Variants in PPP3R1 observed in about 807,000 individuals in gnomAD.
PPP3R1 encodes the protein calcineurin subunit B type 1.
PPP3R1 carries 5 observed loss-of-function variants against 22.6 expected under a neutral mutation model. That is an observed-to-expected ratio of 0.22 (90% CI 0.12 to 0.46). PPP3R1 has a LOEUF of 0.46. Among genes scored for constraint, PPP3R1 ranks in the 20% least tolerant of loss-of-function variants. The pLI is 0.99. For missense variants in PPP3R1, 61 were observed against 203.2 expected (o/e 0.30, Z 4.25); for synonymous variants, 56 against 65.2 (o/e 0.86, Z 0.68).
intron 5 of PPP3R1, among the ~76,000 whole-genome samples, chr2:68,182,362 G>A (rs556099783): frequency 3.3e-5 from 5 of 152,124 alleles, no homozygotes; most frequent in African/African-American, 9.7e-5. Flanking sequence ...CTTTTATGCA[G>A]TGGCAATAAT....
At chr2:68,193,139 AG>A (rs1330870297) in intron 2 of PPP3R1, among the ~76,000 whole-genome samples, 1 of 152,174 alleles carries the variant, frequency 6.6e-6, no homozygotes, top group African/African-American at 2.4e-5. Flanking sequence ...CTGGATGAGT[AG>A]TCAAAACTTT....
chr2:68,211,414 A>AAAAAC (rs1338338537), intron 2 of PPP3R1, among the ~76,000 whole-genome samples: 1 of 151,468 alleles, frequency 6.6e-6, no homozygotes, highest in African/African-American at 2.4e-5. Flanking sequence ...CTCAAAAAAA[A>AAAAAC]AAAAAAAAAA....
chr2:68,206,892 G>C (rs1675138166), intron 2 of PPP3R1, among the ~76,000 whole-genome samples: 1 of 152,100 alleles, frequency 6.6e-6, no homozygotes, highest in African/African-American at 2.4e-5. Context: ...AAAGCTGAGA[G>C]GACACTGTGG....
chr2:68,188,396 A>G, intron 3 of PPP3R1, 118 bp downstream of exon 3: 1 of 758,206 alleles, frequency 1.3e-6, no homozygotes, highest in South Asian at 3.1e-5. Flanking sequence ...GTTTTAACAT[A>G]ATCTATTATT....
At chr2:68,248,121 C>T (rs551407982) in intron 1 of PPP3R1, among the ~76,000 whole-genome samples, 59 of 152,308 alleles carry the variant, frequency 3.9e-4, no homozygotes, top group Non-Finnish European at 7.6e-4. Context: ...TAAACTAACA[C>T]TGTAGTTCTC....
intron 1 of PPP3R1, among the ~76,000 whole-genome samples, chr2:68,232,146 T>C (rs1190148173): frequency 2.6e-5 from 1 of 38,938 alleles, no homozygotes; most frequent in Non-Finnish European, 4.5e-5. Flanking sequence ...CACATATATA[T>C]GTATATATAT....
At chr2:68,223,516 A>T (rs971428333) in intron 1 of PPP3R1, among the ~76,000 whole-genome samples, 1 of 152,232 alleles carries the variant, frequency 6.6e-6, no homozygotes, top group Non-Finnish European at 1.5e-5. Context: ...ACTGAGGATT[A>T]TTCCAGCAAT....
At chr2:68,229,965 T>TACACACATACAC (rs757391753) in intron 1 of PPP3R1, among the ~76,000 whole-genome samples, 1 of 49,494 alleles carries the variant, frequency 2.0e-5, no homozygotes, top group East Asian at 6.5e-4. Context: ...TGTGTATATA[T>TACACACATACAC]ACACACATAC....
intron 1 of PPP3R1, among the ~76,000 whole-genome samples, chr2:68,248,383 C>T (rs1026177103): frequency 2.6e-5 from 4 of 152,214 alleles, no homozygotes; most frequent in African/African-American, 9.7e-5. Context: ...ATTTACCCTA[C>T]TTGATTAATT....
intron 2 of PPP3R1, among the ~76,000 whole-genome samples, chr2:68,216,211 G>C (rs1398941651): frequency 2.6e-5 from 4 of 151,990 alleles, no homozygotes; most frequent in Non-Finnish European, 5.9e-5. Flanking sequence ...AGGAAAAAAA[G>C]CTTACTGGGA....
At chr2:68,235,367 C>T (rs1368681711) in intron 1 of PPP3R1, among the ~76,000 whole-genome samples, 2 of 152,156 alleles carry the variant, frequency 1.3e-5, no homozygotes, top group Non-Finnish European at 2.9e-5. Flanking sequence ...AGTCATTCCC[C>T]AACTCCCCCT....
chr2:68,199,571 G>A (rs1416685452), intron 2 of PPP3R1, among the ~76,000 whole-genome samples: 2 of 152,134 alleles, frequency 1.3e-5, no homozygotes, highest in East Asian at 1.9e-4. Context: ...CTTTCATCAT[G>A]AGATATGAGT....
intron 5 of PPP3R1, among the ~76,000 whole-genome samples, chr2:68,182,220 G>C (rs1321385515): frequency 6.6e-6 from 1 of 151,926 alleles, no homozygotes; most frequent in Non-Finnish European, 1.5e-5. Context: ...TTTGTTATCT[G>C]TATTATTTTT....
chr2:68,246,839 G>A (rs1010806689), intron 1 of PPP3R1, among the ~76,000 whole-genome samples: 11 of 152,144 alleles, frequency 7.2e-5, no homozygotes, highest in African/African-American at 2.7e-4. Flanking sequence ...TAATATAAAT[G>A]CACAGACAAT....
At chr2:68,245,800 A>G (rs1446840384) in intron 1 of PPP3R1, among the ~76,000 whole-genome samples, 1 of 152,220 alleles carries the variant, frequency 6.6e-6, no homozygotes, top group African/African-American at 2.4e-5. Flanking sequence ...ACTGAACTCA[A>G]AACAGTTAAA....
Position 68,189,182 on chromosome 2 carries a change from A to G in PPP3R1, c.44-492T>C, listed in dbSNP as rs78325266. On this transcript the variant is annotated intron_variant, in intron 2 of 5. Coordinates refer to ENST00000234310, the MANE Select transcript of PPP3R1 (RefSeq NM_000945.4). ...TTCATGACTCAAAAATTCAAAGGGT[A>G]TTCAAAATTCAAAGTTTCCCTCCCT... is the stretch of plus-strand genomic sequence containing the variant. 6.0e-3 allele frequency among the ~76,000 whole-genome samples: 910 copies of G among 152,316 alleles called. 7 individuals are homozygous for G. The highest frequency in any genetic ancestry group is 0.021 in the African/African-American group (855 of 41,566).
chr2:68,205,656 A>G (rs1470874012), intron 2 of PPP3R1, among the ~76,000 whole-genome samples: 1 of 152,150 alleles, frequency 6.6e-6, no homozygotes, highest in Non-Finnish European at 1.5e-5. Flanking sequence ...GTCACAAGTG[A>G]TTTTGTAGAT....
At position 68,179,209 on chromosome 2, in the gene PPP3R1, G is replaced by T. The variant is rs1007877572; in HGVS notation, c.*1754C>A. On this transcript the variant is annotated 3_prime_UTR_variant, in exon 6 of 6. Coordinates refer to ENST00000234310, the MANE Select transcript of PPP3R1 (RefSeq NM_000945.4). ...GCAGAGCACATGGCAGTTGACACTG[G>T]AACAGTTCAAACCACTGGCTGGGAT... 1 of 152,592 alleles carries T rather than the reference G, an allele frequency of 6.6e-6. No individual in the cohort carries two copies. The highest frequency in any genetic ancestry group is 6.5e-5 in the Admixed American group (1 of 15,276). 9.5% of individuals were successfully genotyped at this position (152,592 alleles called of 1,614,324 possible).
At chr2:68,228,482 G>C (rs1005204193) in intron 1 of PPP3R1, among the ~76,000 whole-genome samples, 1 of 152,106 alleles carries the variant, frequency 6.6e-6, no homozygotes, top group African/African-American at 2.4e-5. Context: ...ATTGGTCATA[G>C]TAACCCCTTA....
Sources: allele counts gnomAD v4.1 joint callset (sites outside exome capture counted in the v4.1 genomes callset), GRCh38; gene constraint gnomAD v4.1.1; transcripts MANE v1.5; gene names NCBI Gene and HGNC (gene_info 2026-07-23, HGNC 2026-07-21).